The following RTL9 variants were observed in gnomAD, a reference collection of about 807,000 sequenced individuals.
The protein encoded by RTL9 is retrotransposon Gag like 9.
In RTL9, 19 loss-of-function variants were observed where a neutral mutation model predicts 44.7. That is an observed-to-expected ratio of 0.42 (90% CI 0.30 to 0.62). The LOEUF (loss-of-function observed/expected upper bound fraction) is 0.62. Ranked by LOEUF, RTL9 falls within the 20% of genes least tolerant of loss-of-function variation. The pLI, the probability that RTL9 is intolerant of heterozygous loss-of-function variation, is 0.16. For synonymous variants in RTL9, 407 were observed against 398.9 expected (o/e 1.02, Z -0.24); for missense variants, 1,105 against 1,080.6 (o/e 1.02, Z -0.32).
chrX:110,454,758 A>G (rs2068970657), intron 1 of RTL9, 94 bp downstream of exon 3: 1 of 789,327 alleles, frequency 1.3e-6, no homozygotes, highest in Admixed American at 3.7e-5. Context: ...AGAATTGGGA[A>G]GAGGCAAGGG....
chrX:110,414,970 A>G (rs2068667056), upstream of RTL9, among the ~76,000 whole-genome samples: 1 of 111,625 alleles, frequency 9.0e-6, no homozygotes, highest in African/African-American at 3.3e-5. Flanking sequence ...GCATATATAT[A>G]TATATTCTCT....
exon 1 of RTL9, chrX:110,451,106 G>A (rs763821832): frequency 8.2e-7 from 1 of 1,212,317 alleles, no homozygotes. Context: ...ATTCTGCAGA[G>A]ATATCACCAT....
At chrX:110,423,371 G>GAGAAGAAGGAGAAGGAGAAGGAGAGA (rs2068732439) in intron 1 of RTL9, among the ~76,000 whole-genome samples, 2 of 109,950 alleles carry the variant, frequency 1.8e-5, no homozygotes, top group East Asian at 2.8e-4. Flanking sequence ...GAAGGAGAAG[G>GAGAAGAAGGAGAAGGAGAAGGAGAGA]AGAAGAAGGA....
chrX:110,427,690 T>C (rs2068764045), intron 1 of RTL9, among the ~76,000 whole-genome samples: 1 of 112,493 alleles, frequency 8.9e-6, no homozygotes, highest in Non-Finnish European at 1.9e-5. Flanking sequence ...TGAGAACTAC[T>C]GCTCTATAGG....
chrX:110,447,664 C>A (rs990083174), upstream of RTL9, among the ~76,000 whole-genome samples: 30 of 111,386 alleles, frequency 2.7e-4, no homozygotes, highest in African/African-American at 9.5e-4. Flanking sequence ...GATCTCAGTG[C>A]CTACCTTACA....
upstream of RTL9, among the ~76,000 whole-genome samples, chrX:110,447,503 A>G (rs1049105119): frequency 9.0e-6 from 1 of 110,504 alleles, no homozygotes; most frequent in African/African-American, 3.3e-5. Context: ...GTTTCTAATC[A>G]CTTGTCTGAT....
exon 1 of RTL9, chrX:110,450,770 C>T: frequency 8.3e-7 from 1 of 1,211,839 alleles, no homozygotes; most frequent in East Asian, 3.0e-5. Context: ...TGCCTATAGT[C>T]TCAACTTCAG....
At chrX:110,381,095 A>G (rs2068415455) in intron 1 of RTL9, among the ~76,000 whole-genome samples, 1 of 112,253 alleles carries the variant, frequency 8.9e-6, no homozygotes, top group Admixed American at 9.4e-5. Flanking sequence ...GACAGGTGGG[A>G]TCTAATTAAA....
chrX:110,433,303 G>A (rs1439737458), intron 1 of RTL9, among the ~76,000 whole-genome samples: 1 of 112,193 alleles, frequency 8.9e-6, no homozygotes, highest in African/African-American at 3.2e-5. Flanking sequence ...AACTTGAATG[G>A]GGAAACAACT....
At chrX:110,383,721 T>C (rs928511421) in intron 1 of RTL9, among the ~76,000 whole-genome samples, 1 of 112,135 alleles carries the variant, frequency 8.9e-6, no homozygotes, top group Non-Finnish European at 1.9e-5. Flanking sequence ...AACTATTGCC[T>C]CTTCTGGGAA....
exon 1 of RTL9, chrX:110,453,652 G>T: frequency 1.7e-6 from 2 of 1,212,048 alleles, no homozygotes; most frequent in Non-Finnish European, 2.2e-6. Context: ...ACCGTGTCTG[G>T]AAGGATGGCC....
chrX:110,391,226 G>C (rs2068491634), intron 1 of RTL9, among the ~76,000 whole-genome samples: 2 of 111,155 alleles, frequency 1.8e-5, no homozygotes, highest in Non-Finnish European at 3.8e-5. Context: ...TCACACTGAG[G>C]CTGTGAATGT....
At chrX:110,418,968 A>G (rs1003441555), upstream of RTL9, 1 of 107,652 alleles carries the variant, frequency 9.3e-6, no homozygotes, top group African/African-American at 3.4e-5. Flanking sequence ...TGCATTGCCT[A>G]TGACTCACCA....
intron 1 of RTL9, among the ~76,000 whole-genome samples, chrX:110,431,227 A>G (rs911388464): frequency 3.9e-4 from 44 of 111,429 alleles, no homozygotes; most frequent in African/African-American, 1.4e-3. Flanking sequence ...GTTTTCACCA[A>G]TCTTGGTTCA....
At position 110,361,163 on chromosome X, in the gene RTL9, C is replaced by T. The variant is rs749071218; in HGVS notation, c.-168+2247C>T. ...AAAACCTGCTCCTCACAGTCTTCCC[C>T]GTCTCCCTAAATACCAATTTCATTC... On this transcript the variant is annotated intron_variant, in intron 1 of 2. Transcript: ENST00000520821. Among the ~76,000 whole-genome samples, 15 of 111,140 alleles carry T rather than the reference C, an allele frequency of 1.3e-4. No individual in the cohort carries two copies. In the East Asian group the frequency reaches 3.4e-3, roughly 25 times the overall value.
At chrX:110,448,700 G>T (rs976414009), upstream of RTL9, among the ~76,000 whole-genome samples, 3 of 107,206 alleles carry the variant, frequency 2.8e-5, no homozygotes, top group African/African-American at 1.0e-4. Flanking sequence ...TGGCTGGCGG[G>T]CAGGGGGGCG....
At position 110,362,020 on chromosome X, in the gene RTL9, C is replaced by G. The variant is rs919535034; in HGVS notation, c.-168+3104C>G. 4.5e-5 allele frequency among the ~76,000 whole-genome samples: 5 copies of G among 111,974 alleles called. No homozygotes were observed. The Admixed American group carries it at 4.8e-4, about 11-fold the overall frequency. On this transcript the variant is annotated intron_variant, in intron 1 of 2. Transcript: ENST00000520821. ...TGCTAGAATGTAAATTCCAGGAGGG[C>G]AAGGACTTTTGTTTACTGCTGTATC...
intron 1 of RTL9, among the ~76,000 whole-genome samples, chrX:110,442,528 GT>G (rs1351040182): frequency 9.0e-6 from 1 of 111,103 alleles, no homozygotes; most frequent in Non-Finnish European, 1.9e-5. Flanking sequence ...GTTATATCTT[GT>G]TTTTTCCTTG....
intron 1 of RTL9, among the ~76,000 whole-genome samples, chrX:110,387,598 T>C (rs1344022287): frequency 9.0e-6 from 1 of 111,592 alleles, no homozygotes; most frequent in Non-Finnish European, 1.9e-5. Flanking sequence ...TATGGTATTA[T>C]AATATTACCC....
Sources: gnomAD v4.1 joint callset for allele counts (sites outside exome capture counted in the v4.1 genomes callset) on GRCh38, gnomAD v4.1.1 for gene constraint, MANE v1.5 for transcripts, NCBI Gene and HGNC (gene_info 2026-07-23, HGNC 2026-07-21) for gene names.